Variants in DYNC2H1 observed in about 807,000 individuals in gnomAD.
DYNC2H1 encodes dynein cytoplasmic 2 heavy chain 1.
Under a neutral mutation model 570.0 loss-of-function variants are expected in DYNC2H1, and 410 were observed. That is an observed-to-expected ratio of 0.72 (90% CI 0.66 to 0.78). The LOEUF (loss-of-function observed/expected upper bound fraction) is 0.78. DYNC2H1 is among the 30% of genes least tolerant of loss of function. The pLI is 0.00. For missense variants in DYNC2H1, 4,865 were observed against 5,046.4 expected, an observed-to-expected ratio of 0.96 and a Z score of 1.09; for synonymous variants, 1,688 against 1,677.6, an observed-to-expected ratio of 1.01 and a Z score of -0.15.
chr11:103,338,809 T>C (rs998917701), intron 82 of DYNC2H1, among the ~76,000 whole-genome samples: 1 of 152,236 alleles, frequency 6.6e-6, no homozygotes, highest in African/African-American at 2.4e-5. Context: ...CACTCCAGGA[T>C]TGGTCACTGG....
At chr11:103,469,455 C>A (rs2135851157) in intron 88 of DYNC2H1, among the ~76,000 whole-genome samples, 1 of 152,234 alleles carries the variant, frequency 6.6e-6, no homozygotes, top group African/African-American at 2.4e-5. Flanking sequence ...AAAACTATTT[C>A]ATATATTGCT....
intron 40 of DYNC2H1, among the ~76,000 whole-genome samples, chr11:103,182,133 C>T (rs1222251046): frequency 6.6e-6 from 1 of 151,518 alleles, no homozygotes; most frequent in African/African-American, 2.4e-5. Context: ...GCTTACCTAA[C>T]AATCTTGATT....
chr11:103,359,931 C>G (rs1039839420), intron 83 of DYNC2H1, among the ~76,000 whole-genome samples: 1 of 152,086 alleles, frequency 6.6e-6, no homozygotes, highest in African/African-American at 2.4e-5. Flanking sequence ...TCCCATAGTG[C>G]TGGGATTACA....
rs1865443221 is a variant in DYNC2H1 at position 103,264,756 on chromosome 11, AG to A, written c.10695+4780del. 6.6e-6 allele frequency among the ~76,000 whole-genome samples: 1 copy of A among 152,238 alleles called. No individual in the cohort carries two copies. The highest frequency in any genetic ancestry group is 6.5e-5 in the Admixed American group (1 of 15,282). On this transcript the variant is annotated intron_variant, in intron 70 of 88. Coordinates refer to ENST00000375735, the MANE Select transcript of DYNC2H1 (RefSeq NM_001377.3). The surrounding 1 kb of genome is among the most constrained non-coding windows in gnomAD (Gnocchi z 4.8). Reference sequence around the variant, plus strand: ...GTCATACCGAATGTGAATCAATATCAGTATCATACTGAATGGGCAAAAGCTG... The same window carrying A: ...GTCATACCGAATGTGAATCAATATCATATCATACTGAATGGGCAAAAGCTG...
intron 77 of DYNC2H1, among the ~76,000 whole-genome samples, chr11:103,306,405 A>T (rs949430196): frequency 2.0e-5 from 3 of 152,108 alleles, no homozygotes; most frequent in Admixed American, 6.6e-5. Flanking sequence ...ATAACTGATT[A>T]TTATTTGCTT....
chr11:103,412,573 A>G (rs1421193906), intron 84 of DYNC2H1, among the ~76,000 whole-genome samples: 2 of 152,164 alleles, frequency 1.3e-5, no homozygotes, highest in African/African-American at 4.8e-5. Flanking sequence ...TAAAGCCAAC[A>G]TATCTATTGG....
chr11:103,115,898 G>A (rs1297371079), intron 4 of DYNC2H1, among the ~76,000 whole-genome samples: 1 of 152,114 alleles, frequency 6.6e-6, no homozygotes, highest in Non-Finnish European at 1.5e-5. Context: ...TTTTGAATGG[G>A]TATTCACTTT....
intron 84 of DYNC2H1, chr11:103,404,858 T>C (rs1418841406): frequency 6.6e-6 from 1 of 151,924 alleles, no homozygotes; most frequent in Non-Finnish European, 1.5e-5. Context: ...CATTTGATGT[T>C]ACCGCCACGC....
rs117866479 is a variant in DYNC2H1 at position 103,151,840 on chromosome 11, A to G, written c.2947-296A>G. On this transcript the variant is annotated intron_variant, in intron 20 of 88. Coordinates refer to ENST00000375735, the MANE Select transcript of DYNC2H1 (RefSeq NM_001377.3). This position sits in a 1 kb window ranked among gnomAD's most constrained non-coding sequence, Gnocchi z 4.6. Reference sequence around the variant, plus strand: ...TAAGAACTTTACTTTGATAAACTGTAGTATTATCTTTATGGATTTCATTTA... The same window carrying G: ...TAAGAACTTTACTTTGATAAACTGTGGTATTATCTTTATGGATTTCATTTA... 6.6e-4 allele frequency among the ~76,000 whole-genome samples: 101 copies of G among 152,224 alleles called. 2 individuals carry two copies. The East Asian group carries it at 0.017, about 26-fold the overall frequency.
At position 103,312,151 on chromosome 11, in the gene DYNC2H1, T is replaced by C. The variant is rs540339849; in HGVS notation, c.11649+118T>C. Reference sequence around the variant, plus strand: ...ATCCCAGTACTGTGGGAGGCCAAGGTGGGCGGATCACCTGAGGTCCGGAGT... The same window carrying C: ...ATCCCAGTACTGTGGGAGGCCAAGGCGGGCGGATCACCTGAGGTCCGGAGT... On this transcript the variant is annotated intron_variant, in intron 79 of 88. Transcript: ENST00000375735. The C allele has an allele frequency of 2.3e-4, 242 of 1,050,794 alleles. 1 individual carries two copies. The highest frequency in any genetic ancestry group is 2.1e-3 in the South Asian group (111 of 54,050). 65.1% of individuals were successfully genotyped at this position (1,050,794 alleles called of 1,614,324 possible).
At chr11:103,429,446 T>C (rs1246636203) in intron 84 of DYNC2H1, among the ~76,000 whole-genome samples, 1 of 123,542 alleles carries the variant, frequency 8.1e-6, no homozygotes, top group African/African-American at 3.5e-5. Flanking sequence ...TTTATAATCC[T>C]TTTTCTGTAC....
At position 103,181,940 on chromosome 11, in the gene DYNC2H1, G is replaced by A; in HGVS notation, c.6477+54G>A. The A allele has an allele frequency of 1.3e-6, 2 of 1,552,524 alleles. No homozygotes were observed. The highest frequency in any genetic ancestry group is 2.3e-5 in the East Asian group (1 of 43,022). On this transcript the variant is annotated intron_variant, in intron 40 of 88. Coordinates refer to ENST00000375735, the MANE Select transcript of DYNC2H1 (RefSeq NM_001377.3). The surrounding 1 kb of genome is among the most constrained non-coding windows in gnomAD (Gnocchi z 5.0). ...ATCGAGGTGAGAAGTATGATTAAGA[G>A]TGATGCTTATTTTAACTTCCTTGTG...
At chr11:103,260,936 TA>T (rs1349696588) in intron 70 of DYNC2H1, among the ~76,000 whole-genome samples, 2 of 149,996 alleles carry the variant, frequency 1.3e-5, no homozygotes, top group Non-Finnish European at 3.0e-5. Context: ...TTTTTTTTTT[TA>T]AATAGCAATC....
At position 103,435,702 on chromosome 11, in the gene DYNC2H1, A is replaced by C. The variant is rs997825698; in HGVS notation, c.12367-241A>C. Among the ~76,000 whole-genome samples the C allele has an allele frequency of 3.9e-5, 6 of 152,168 alleles. No homozygotes were observed. The East Asian group carries it at 1.2e-3, about 29-fold the overall frequency. ...ATTGTTTAAGAAAACATGGTTGACTATTTTTTATATGCCAGTTTAAGTTCA... is the reference window on the plus strand; with the variant it reads ...ATTGTTTAAGAAAACATGGTTGACTCTTTTTTATATGCCAGTTTAAGTTCA... On this transcript the variant is annotated intron_variant, in intron 84 of 88. Transcript: ENST00000375735.
At chr11:103,406,836 G>C (rs1942882689) in intron 84 of DYNC2H1, 1 of 151,736 alleles carries the variant, frequency 6.6e-6, no homozygotes, top group Non-Finnish European at 1.5e-5. Context: ...TTAAGATAGG[G>C]GCTAGTTTTT....
At chr11:103,469,657 TTC>T (rs1349137689) in intron 88 of DYNC2H1, among the ~76,000 whole-genome samples, 3 of 152,166 alleles carry the variant, frequency 2.0e-5, no homozygotes, top group Non-Finnish European at 2.9e-5. Flanking sequence ...GAGCATATGT[TTC>T]TGTCAAAATT....
chr11:103,428,308 G>T (rs1183434673), intron 84 of DYNC2H1, among the ~76,000 whole-genome samples: 1 of 93,626 alleles, frequency 1.1e-5, no homozygotes, highest in Non-Finnish European at 2.0e-5. Context: ...CACCTACCAT[G>T]GTCTATATCA....
intron 85 of DYNC2H1, among the ~76,000 whole-genome samples, chr11:103,452,728 T>A (rs1001397312): frequency 6.6e-6 from 1 of 151,998 alleles, no homozygotes; most frequent in Non-Finnish European, 1.5e-5. Context: ...TGACATACTA[T>A]TTATTTCTTA....
chr11:103,195,464 G>A (rs1862479404), intron 47 of DYNC2H1, among the ~76,000 whole-genome samples: 1 of 152,132 alleles, frequency 6.6e-6, no homozygotes, highest in South Asian at 2.1e-4. Context: ...TCAAAAATTG[G>A]TAACATGGGT....
Sources: gnomAD v4.1 joint callset for allele counts (sites outside exome capture counted in the v4.1 genomes callset) on GRCh38, gnomAD v4.1.1 for gene constraint, Gnocchi (gnomAD v3.1) non-coding constraint, MANE v1.5 for transcripts, NCBI Gene and HGNC (gene_info 2026-07-23, HGNC 2026-07-21) for gene names.